Variants in SLC4A10 observed in about 807,000 individuals in gnomAD.
The protein encoded by SLC4A10 is solute carrier family 4 member 10, also known as sodium-driven chloride bicarbonate exchanger.
In SLC4A10, 42 loss-of-function variants were observed where a neutral mutation model predicts 137.7. The ratio of observed to expected loss-of-function variants is 0.30; its 90% confidence interval spans 0.24 to 0.39. The LOEUF is 0.39. Ranked by LOEUF, SLC4A10 falls within the 10% of genes least tolerant of loss-of-function variation. SLC4A10 has a pLI of 1.00. For synonymous variants in SLC4A10, 474 were observed against 464.1 expected, an observed-to-expected ratio of 1.02 and a Z score of -0.27; for missense variants, 925 against 1,355.0, an observed-to-expected ratio of 0.68 and a Z score of 4.98.
intron 1 of SLC4A10, among the ~76,000 whole-genome samples, chr2:161,748,436 TTGTGTGTG>T (rs144251917): frequency 4.9e-5 from 7 of 142,418 alleles, no homozygotes; most frequent in Admixed American, 7.0e-5. Flanking sequence ...CATTTTGAGT[TTGTGTGTG>T]TGTGTGTGTG....
At chr2:161,893,793 A>C (rs138675274) in intron 10 of SLC4A10, among the ~76,000 whole-genome samples, 1 of 152,078 alleles carries the variant, frequency 6.6e-6, no homozygotes, top group African/African-American at 2.4e-5. Context: ...ACAGTATAAT[A>C]AATATATAGC....
At chr2:161,948,775 G>C (rs1360805256) in intron 17 of SLC4A10, among the ~76,000 whole-genome samples, 2 of 152,074 alleles carry the variant, frequency 1.3e-5, no homozygotes, top group Admixed American at 1.3e-4. Context: ...AGTGTTACCT[G>C]TGTGAAAGAG....
intron 1 of SLC4A10, among the ~76,000 whole-genome samples, chr2:161,665,286 T>C (rs1485450950): frequency 6.6e-6 from 1 of 151,824 alleles, no homozygotes; most frequent in African/African-American, 2.4e-5. Flanking sequence ...TCTGAGAGGC[T>C]GTGTAGTGTA....
chr2:161,689,366 A>T (rs1391689108), intron 1 of SLC4A10, among the ~76,000 whole-genome samples: 2 of 152,122 alleles, frequency 1.3e-5, no homozygotes, highest in African/African-American at 4.8e-5. Context: ...CATTTTTTAT[A>T]TCATATTTTT....
chr2:161,864,717 T>C (rs1275002749), intron 6 of SLC4A10, among the ~76,000 whole-genome samples: 1 of 152,158 alleles, frequency 6.6e-6, no homozygotes, highest in Non-Finnish European at 1.5e-5. Flanking sequence ...TATAACTTGC[T>C]TTGAATCAAA....
intron 4 of SLC4A10, among the ~76,000 whole-genome samples, chr2:161,847,738 G>C (rs1187901043): frequency 6.6e-6 from 1 of 152,120 alleles, no homozygotes; most frequent in Non-Finnish European, 1.5e-5. Context: ...TTATTGCATG[G>C]TGTATATGTA....
intron 1 of SLC4A10, among the ~76,000 whole-genome samples, chr2:161,762,687 T>C (rs1312550641): frequency 6.6e-6 from 1 of 152,120 alleles, no homozygotes; most frequent in Non-Finnish European, 1.5e-5. Flanking sequence ...GAAACAGTAG[T>C]GAAACATTAT....
intron 15 of SLC4A10, among the ~76,000 whole-genome samples, chr2:161,928,182 C>T (rs1009609229): frequency 1.3e-5 from 2 of 148,514 alleles, no homozygotes; most frequent in Non-Finnish European, 3.0e-5. Context: ...CCATGGAATA[C>T]TATGCAGCCA....
intron 1 of SLC4A10, among the ~76,000 whole-genome samples, chr2:161,667,079 G>A (rs549239426): frequency 2.2e-4 from 34 of 151,590 alleles, no homozygotes; most frequent in Non-Finnish European, 4.7e-4. Flanking sequence ...AAATGTAGAC[G>A]TGTAGTTGGT....
intron 16 of SLC4A10, among the ~76,000 whole-genome samples, chr2:161,943,213 T>C (rs1490593309): frequency 1.3e-5 from 2 of 152,084 alleles, no homozygotes; most frequent in African/African-American, 4.8e-5. Context: ...TAAGTCTGCC[T>C]TCTGTGTAAA....
At chr2:161,914,772 G>T (rs1271092037) in intron 15 of SLC4A10, among the ~76,000 whole-genome samples, 1 of 151,964 alleles carries the variant, frequency 6.6e-6, no homozygotes, top group Admixed American at 6.6e-5. Context: ...TTTCTCTGTT[G>T]AGGCTCTAAC....
chr2:161,699,041 A>G (rs1158786098), intron 1 of SLC4A10, among the ~76,000 whole-genome samples: 3 of 151,996 alleles, frequency 2.0e-5, no homozygotes, highest in African/African-American at 7.3e-5. Flanking sequence ...TTTATTTGAG[A>G]TGGAGTCTCG....
At chr2:161,829,946 G>A (rs1050457340) in intron 3 of SLC4A10, among the ~76,000 whole-genome samples, 9 of 152,118 alleles carry the variant, frequency 5.9e-5, no homozygotes, top group African/African-American at 2.2e-4. Context: ...GAACAGTATG[G>A]GGAAACTGTC....
At chr2:161,811,724 T>C (rs3902192) in intron 3 of SLC4A10, among the ~76,000 whole-genome samples, 9,952 of 152,130 alleles carry the variant, frequency 0.065, 388 homozygotes, top group African/African-American at 0.1. Flanking sequence ...ACTTTCTTCC[T>C]GTTAAAAAGT....
chr2:161,770,270 GC>G (rs1445190893), intron 1 of SLC4A10, among the ~76,000 whole-genome samples: 4 of 151,692 alleles, frequency 2.6e-5, no homozygotes, highest in Non-Finnish European at 5.9e-5. Context: ...ATTATACTCA[GC>G]CCCCCTGCCA....
In SLC4A10 at chr2:161,872,545, A is replaced by T. The variant is rs558975617; in HGVS notation, c.858+161A>T. On this transcript the variant is annotated intron_variant, in intron 7 of 26. Coordinates refer to ENST00000446997, the MANE Select transcript of SLC4A10 (RefSeq NM_001178015.2). ...TGTTAGCATTAAGTCCACATGTAAC[A>T]TTTTGCCTATTCAAAAAAAAAAAAA... 9.5e-5 allele frequency among the ~76,000 whole-genome samples: 9 copies of T among 95,218 alleles called. No homozygotes were observed. The East Asian group carries it at 2.5e-3, about 26-fold the overall frequency. The allele number at this position is 95,218 out of a possible 152,430, so 62.5% of individuals were successfully genotyped here. A position where few individuals can be genotyped will look rare whatever the true frequency, so the allele number is the denominator to read the frequency against.
chr2:161,715,760 A>C (rs758340520), intron 1 of SLC4A10, among the ~76,000 whole-genome samples: 6 of 152,064 alleles, frequency 3.9e-5, no homozygotes, highest in Non-Finnish European at 8.8e-5. Context: ...ATTTGGGTTG[A>C]TTCCATGCCT....
At chr2:161,740,712 A>G (rs1281238573) in intron 1 of SLC4A10, among the ~76,000 whole-genome samples, 1 of 152,068 alleles carries the variant, frequency 6.6e-6, no homozygotes, top group Non-Finnish European at 1.5e-5. Flanking sequence ...GGTCTTGGAA[A>G]TCTTACTCAT....
At chr2:161,813,049 T>C (rs1228053408) in intron 3 of SLC4A10, among the ~76,000 whole-genome samples, 1 of 152,126 alleles carries the variant, frequency 6.6e-6, no homozygotes, top group African/African-American at 2.4e-5. Flanking sequence ...TGAATACTTT[T>C]TATTTTTTTC....
Sources: allele counts gnomAD v4.1 joint callset (sites outside exome capture counted in the v4.1 genomes callset), GRCh38; gene constraint gnomAD v4.1.1; transcripts MANE v1.5; gene names NCBI Gene and HGNC (gene_info 2026-07-23, HGNC 2026-07-21).